Variants in MSI2 observed in about 807,000 individuals in gnomAD.
MSI2 encodes the protein musashi RNA binding protein 2.
Under a neutral mutation model 45.6 loss-of-function variants are expected in MSI2, and 17 were observed. The ratio of observed to expected loss-of-function variants is 0.37; its 90% confidence interval spans 0.26 to 0.56. The LOEUF (loss-of-function observed/expected upper bound fraction) is 0.56. Ranked by LOEUF, MSI2 falls within the 20% of genes least tolerant of loss-of-function variation. The pLI is 0.77. For missense variants in MSI2, 293 were observed against 444.2 expected (o/e 0.66, Z 3.06); for synonymous variants, 156 against 158.2 (o/e 0.99, Z 0.11).
chr17:57,669,703 T>G (rs1438592882), intron 11 of MSI2, among the ~76,000 whole-genome samples: 1 of 152,208 alleles, frequency 6.6e-6, no homozygotes, highest in Admixed American at 6.5e-5. Flanking sequence ...CTATGACCTC[T>G]CCTGCTCTCA....
intron 5 of MSI2, among the ~76,000 whole-genome samples, chr17:57,389,235 C>A (rs1349786104): frequency 1.3e-5 from 2 of 152,114 alleles, no homozygotes; most frequent in Non-Finnish European, 1.5e-5. Context: ...CCTCGGCCTC[C>A]CAAAGTACTG....
At chr17:57,693,435 C>CTGCCT in the MSI2 span, among the ~76,000 whole-genome samples, 1 of 151,910 alleles carries the variant, frequency 6.6e-6, no homozygotes, top group African/African-American at 2.4e-5. Context: ...GCCTCTGCCT[C>CTGCCT]CCAAAGTCTG....
chr17:57,585,854 G>A (rs568145915), intron 7 of MSI2, among the ~76,000 whole-genome samples: 3 of 152,240 alleles, frequency 2.0e-5, no homozygotes, highest in Non-Finnish European at 4.4e-5. Context: ...GAGCAGATGC[G>A]GAGGCGGCAC....
At chr17:57,459,281 G>A (rs2085176997) in intron 6 of MSI2, among the ~76,000 whole-genome samples, 2 of 152,168 alleles carry the variant, frequency 1.3e-5, no homozygotes, top group South Asian at 4.1e-4. Flanking sequence ...TTTGTTTTGG[G>A]GGCAGGGGTG....
chr17:57,257,454 C>A lies in MSI2; in HGVS notation c.104-12C>A. The A allele has an allele frequency of 7.7e-7, 1 of 1,297,022 alleles. No individual in the cohort carries two copies. Among genetic ancestry groups the A allele is most frequent in the Non-Finnish European group, 1.1e-6 (1 of 915,362 alleles). 80.3% of individuals were successfully genotyped at this position (1,297,022 alleles called of 1,614,324 possible). ...CTCTCCCCCCCCCATCTCTCTCTTT[C>A]TCTCTCTACAGATAGCCTTAGAGAC... is the stretch of plus-strand genomic sequence containing the variant. On this transcript the variant is annotated splice_polypyrimidine_tract_variant and intron_variant, in intron 2 of 13. Transcript: ENST00000284073.
rs1393552608 is a variant in MSI2 at position 57,552,113 on chromosome 17, CCTG to C, written c.454+22397_454+22399del. Among the ~76,000 whole-genome samples the C allele has an allele frequency of 5.3e-5, 8 of 152,204 alleles. No homozygotes were observed. Among genetic ancestry groups the C allele is most frequent in the Non-Finnish European group, 1.2e-4 (8 of 68,040 alleles). On this transcript the variant is annotated intron_variant, in intron 7 of 13. Coordinates refer to ENST00000284073, the MANE Select transcript of MSI2 (RefSeq NM_138962.4). The surrounding 1 kb of genome is among the most constrained non-coding windows in gnomAD (Gnocchi z 4.3). ...CTCATGTGACCTTCAGCAGGTCTCT[CCTG>C]CTGCTGCCCCAGGACTGGCCACACA...
intron 6 of MSI2, among the ~76,000 whole-genome samples, chr17:57,414,754 C>T (rs2084262854): frequency 2.0e-5 from 3 of 152,052 alleles, no homozygotes; most frequent in Admixed American, 2.0e-4. Flanking sequence ...TTATCTGGAG[C>T]ATTTCCTTAT....
At chr17:57,612,948 G>T (rs1397510349) in intron 8 of MSI2, among the ~76,000 whole-genome samples, 2 of 152,126 alleles carry the variant, frequency 1.3e-5, no homozygotes, top group Non-Finnish European at 2.9e-5. Context: ...CTTGGGGCAG[G>T]TTCATGCAAA....
intron 9 of MSI2, among the ~76,000 whole-genome samples, chr17:57,617,770 C>CA (rs757207854): frequency 1.3e-5 from 2 of 151,958 alleles, no homozygotes; most frequent in African/African-American, 2.4e-5. Flanking sequence ...CCCCTCTCTA[C>CA]AAAAAATAAT....
intron 6 of MSI2, among the ~76,000 whole-genome samples, chr17:57,445,654 A>G (rs1265699971): frequency 3.9e-5 from 6 of 152,132 alleles, no homozygotes; most frequent in African/African-American, 4.8e-5. Context: ...GTTCTATTAG[A>G]CAATGTTTTA....
In MSI2 at chr17:57,521,493, A is replaced by G. The variant is rs150283636; in HGVS notation, c.406-8183A>G. 2.4e-3 allele frequency among the ~76,000 whole-genome samples: 367 copies of G among 152,312 alleles called. 1 individual carries two copies. Among genetic ancestry groups the G allele is most frequent in the African/African-American group, 8.3e-3 (345 of 41,560 alleles). ...GGCTCTTCCGAGCTGCTTCTCATAT[A>G]GAACTTTGGCTTTCTTGTACTAAGA... On this transcript the variant is annotated intron_variant, in intron 6 of 13. Transcript: ENST00000284073.
intron 5 of MSI2, chr17:57,263,614 G>T (rs1405489027): frequency 2.0e-5 from 3 of 152,190 alleles, no homozygotes; most frequent in Non-Finnish European, 4.4e-5. Flanking sequence ...TTACCCAAGA[G>T]GGAAGCTGGA....
intron 5 of MSI2, among the ~76,000 whole-genome samples, chr17:57,378,149 G>A (rs569230650): frequency 1.1e-4 from 17 of 152,072 alleles, no homozygotes; most frequent in African/African-American, 2.4e-4. Context: ...TTGCTCTGTC[G>A]TGTCCCGGGC....
chr17:57,433,142 G>A (rs994817244), intron 6 of MSI2, among the ~76,000 whole-genome samples: 1 of 152,122 alleles, frequency 6.6e-6, no homozygotes, highest in Non-Finnish European at 1.5e-5. Context: ...GGAACAACTC[G>A]GAAAGGGAGG....
At chr17:57,421,275 A>G (rs1423370614) in intron 6 of MSI2, among the ~76,000 whole-genome samples, 2 of 152,128 alleles carry the variant, frequency 1.3e-5, no homozygotes, top group Non-Finnish European at 2.9e-5. Flanking sequence ...ACCCTCTGTC[A>G]AAGCGCATGT....
intron 10 of MSI2, among the ~76,000 whole-genome samples, chr17:57,637,353 G>A (rs904896774): frequency 6.6e-6 from 1 of 152,238 alleles, no homozygotes; most frequent in African/African-American, 2.4e-5. Context: ...CTCCCTCGGC[G>A]TGGAAAATCA....
At chr17:57,689,009 G>T (rs1736229479), downstream of MSI2, among the ~76,000 whole-genome samples, 1 of 152,142 alleles carries the variant, frequency 6.6e-6, no homozygotes, top group Non-Finnish European at 1.5e-5. Flanking sequence ...GACATTAAGT[G>T]GTCAAAGAGG....
chr17:57,632,258 G>A (rs1909449629), intron 10 of MSI2: 2 of 1,082,806 alleles, frequency 1.8e-6, no homozygotes, highest in Non-Finnish European at 2.2e-6. Flanking sequence ...TTGCAGATAC[G>A]TGACTTGGAG....
At chr17:57,598,982 AAG>A (rs897521998) in intron 8 of MSI2, among the ~76,000 whole-genome samples, 6 of 152,140 alleles carry the variant, frequency 3.9e-5, no homozygotes, top group Non-Finnish European at 7.4e-5. Flanking sequence ...TATTTTTAAA[AAG>A]AGAGAGAGAG....
Sources: allele counts gnomAD v4.1 joint callset (sites outside exome capture counted in the v4.1 genomes callset), GRCh38; gene constraint gnomAD v4.1.1; non-coding constraint Gnocchi (gnomAD v3.1); transcripts MANE v1.5; gene names NCBI Gene and HGNC (gene_info 2026-07-23, HGNC 2026-07-21).